Variants in EPB41L2 observed in about 807,000 individuals in gnomAD.
EPB41L2 encodes band 4.1-like protein 2.
Under a neutral mutation model 113.0 loss-of-function variants are expected in EPB41L2, and 43 were observed. The observed-to-expected ratio is 0.38, with a 90% CI of 0.30 to 0.49. The LOEUF (loss-of-function observed/expected upper bound fraction) is 0.49, where lower values mean the gene tolerates loss of function less well. EPB41L2 is among the 20% of genes least tolerant of loss of function. EPB41L2 has a pLI of 0.95. For synonymous variants in EPB41L2, 442 were observed against 436.7 expected (o/e 1.01, Z -0.15); for missense variants, 1,147 against 1,223.4 (o/e 0.94, Z 0.93).
At chr6:131,016,944 T>C (rs1315602904) in intron 1 of EPB41L2, among the ~76,000 whole-genome samples, 4 of 152,170 alleles carry the variant, frequency 2.6e-5, no homozygotes, top group Admixed American at 2.0e-4. Context: ...TAGTTACATT[T>C]AAAATAACAC....
At chr6:130,840,886 G>A (rs1441729114) in intron 19 of EPB41L2, among the ~76,000 whole-genome samples, 3 of 152,174 alleles carry the variant, frequency 2.0e-5, no homozygotes, top group African/African-American at 7.2e-5. Context: ...CAATTCATAT[G>A]TAAGAATTTA....
rs17059825 is a variant in EPB41L2 at position 130,923,768 on chromosome 6, G to A, written c.810+2837C>T. ...GCAGAGTCACGTCCTCACCGTTTAC[G>A]GTTAGAGCCTCAGCAGCGAGCACGC... is the stretch of plus-strand genomic sequence containing the variant. On this transcript the variant is annotated intron_variant, in intron 4 of 19. Transcript: ENST00000337057. Among the ~76,000 whole-genome samples the A allele has an allele frequency of 1.5e-3, 234 of 152,308 alleles. 5 individuals are homozygous for A. In the East Asian group the frequency reaches 0.034, roughly 22 times the overall value.
intron 1 of EPB41L2, among the ~76,000 whole-genome samples, chr6:131,023,975 C>CATT (rs1790235847): frequency 6.6e-6 from 1 of 151,904 alleles, no homozygotes; most frequent in Non-Finnish European, 1.5e-5. Flanking sequence ...ATGACTCAGG[C>CATT]ATTAGGCTGA....
chr6:130,899,217 A>G (rs1280146337), intron 8 of EPB41L2, among the ~76,000 whole-genome samples: 1 of 131,756 alleles, frequency 7.6e-6, no homozygotes, highest in East Asian at 2.0e-4. Flanking sequence ...ATAAGCGGTG[A>G]AAAAAAAAAG....
rs561024474 is a variant in EPB41L2 at position 130,909,035 on chromosome 6, A to C, written c.811-172T>G. ...TAAGTATTGCTTTGTCCTTGGGGACATATGTGTGTAAATGTGGTAAGTGTG... is the reference window on the plus strand; with the variant it reads ...TAAGTATTGCTTTGTCCTTGGGGACCTATGTGTGTAAATGTGGTAAGTGTG... On this transcript the variant is annotated intron_variant, in intron 4 of 19. Coordinates refer to ENST00000337057, the MANE Select transcript of EPB41L2 (RefSeq NM_001431.4). Among the ~76,000 whole-genome samples the C allele has an allele frequency of 3.9e-5, 6 of 152,340 alleles. No homozygotes were observed. The South Asian group carries it at 1.0e-3, about 26-fold the overall frequency.
chr6:130,932,813 C>T (rs995771398), intron 3 of EPB41L2, among the ~76,000 whole-genome samples: 6 of 152,220 alleles, frequency 3.9e-5, no homozygotes, highest in Non-Finnish European at 7.3e-5. Context: ...GCTGATGGAA[C>T]GGCTCAATGC....
At chr6:130,867,739 TAAAAG>T (rs1363369543) in intron 15 of EPB41L2, 158 bp from the exon 16 acceptor site, 20 of 953,104 alleles carry the variant, frequency 2.1e-5, no homozygotes, top group African/African-American at 1.3e-4. Flanking sequence ...ACAAAAGAAA[TAAAAG>T]AAAAATTTTC....
intron 3 of EPB41L2, among the ~76,000 whole-genome samples, chr6:130,954,620 AAGATTAAAGTGACTTC>A (rs1399451899): frequency 2.0e-5 from 3 of 152,214 alleles, no homozygotes; most frequent in Admixed American, 1.3e-4. Flanking sequence ...GATGCGTTAA[AAGATTAAAGTGACTTC>A]TGTCAGCACC....
chr6:131,007,066 T>C (rs1006121017), intron 1 of EPB41L2, among the ~76,000 whole-genome samples: 2 of 152,176 alleles, frequency 1.3e-5, no homozygotes, highest in Non-Finnish European at 2.9e-5. Flanking sequence ...CAAATGAAAA[T>C]AGCCACAGTA....
chr6:130,894,305 C>G (rs757400133), intron 10 of EPB41L2, 39 bp downstream of exon 10: 6 of 1,538,514 alleles, frequency 3.9e-6, no homozygotes, highest in Non-Finnish European at 5.4e-6. Flanking sequence ...CAGGCATGTG[C>G]GATCATGCCC....
chr6:130,975,007 G>C (rs1276302303), intron 1 of EPB41L2, among the ~76,000 whole-genome samples: 1 of 151,956 alleles, frequency 6.6e-6, no homozygotes, highest in Admixed American at 6.6e-5. Context: ...TTGTTTTCCA[G>C]ATAAGTCAAG....
chr6:130,844,022 T>C (rs1051144010), intron 19 of EPB41L2, among the ~76,000 whole-genome samples: 3 of 152,204 alleles, frequency 2.0e-5, no homozygotes, highest in African/African-American at 7.2e-5. Flanking sequence ...TCTTGAGTGC[T>C]CTACTCCAGA....
intron 1 of EPB41L2, among the ~76,000 whole-genome samples, chr6:130,998,276 A>C (rs1449051637): frequency 6.6e-6 from 1 of 152,186 alleles, no homozygotes; most frequent in Non-Finnish European, 1.5e-5. Flanking sequence ...AAATCAAATA[A>C]TTTTCACATG....
chr6:130,912,053 C>T (rs1336948731), intron 4 of EPB41L2, among the ~76,000 whole-genome samples: 1 of 152,152 alleles, frequency 6.6e-6, no homozygotes, highest in South Asian at 2.1e-4. Context: ...GGAGCACAAA[C>T]CCTATTGTGA....
intron 3 of EPB41L2, among the ~76,000 whole-genome samples, chr6:130,932,166 T>C (rs929566277): frequency 3.9e-5 from 6 of 152,154 alleles, no homozygotes; most frequent in African/African-American, 1.4e-4. Context: ...ATTTCACAAA[T>C]AAGAAAAATA....
intron 3 of EPB41L2, among the ~76,000 whole-genome samples, chr6:130,939,574 G>A (rs1810099666): frequency 6.6e-6 from 1 of 152,036 alleles, no homozygotes; most frequent in Non-Finnish European, 1.5e-5. Flanking sequence ...ATTTTAAGGA[G>A]AAAAGCATTT....
At chr6:130,867,891 A>G (rs1382988073) in intron 15 of EPB41L2, 2 of 352,356 alleles carry the variant, frequency 5.7e-6, no homozygotes, top group South Asian at 2.5e-5. Flanking sequence ...TACTCTTTAA[A>G]TTAAGATGGT....
intron 1 of EPB41L2, among the ~76,000 whole-genome samples, chr6:130,990,923 T>G (rs1159513734): frequency 6.7e-6 from 1 of 149,246 alleles, no homozygotes; most frequent in African/African-American, 2.5e-5. Context: ...ACCTCCAGGG[T>G]TCAAGCAATT....
chr6:130,869,965 G>A lies in EPB41L2; in HGVS notation c.2205C>T (p.Thr735=), dbSNP rs759397528. 5 of 1,613,528 alleles carry A rather than the reference G, an allele frequency of 3.1e-6. No homozygotes were observed. Among genetic ancestry groups the A allele is most frequent in the Non-Finnish European group, 4.2e-6 (5 of 1,180,034 alleles). The change falls in exon 15 of 20, where the codon ACC becomes ACT. Residue 735 remains threonine, a synonymous_variant. Transcript: ENST00000337057. ...KVEPVTQKDS[T]SLSSESSSSS... ...TGCTGCTGCTCTCAGAAGACAGGGA[G>A]GTGGAGTCTTTTTGTGTCACAGGCT...
Sources: gnomAD v4.1 joint callset for allele counts (sites outside exome capture counted in the v4.1 genomes callset) on GRCh38, gnomAD v4.1.1 for gene constraint, MANE v1.5 for transcripts, NCBI Gene and HGNC (gene_info 2026-07-23, HGNC 2026-07-21) for gene names.